AFG3L2: variants seen among roughly 807,000 people sequenced by gnomAD.
AFG3L2 encodes mitochondrial inner membrane m-AAA protease component AFG3L2.
Under a neutral mutation model 94.5 loss-of-function variants are expected in AFG3L2, and 54 were observed. The observed-to-expected ratio is 0.57, with a 90% CI of 0.46 to 0.72. The LOEUF (loss-of-function observed/expected upper bound fraction) is 0.72, where lower values mean the gene tolerates loss of function less well. Among genes scored for constraint, AFG3L2 ranks in the 30% least tolerant of loss-of-function variants. AFG3L2 has a pLI of 0.00. For synonymous variants in AFG3L2, 377 were observed against 365.5 expected, an observed-to-expected ratio of 1.03 and a Z score of -0.36; for missense variants, 754 against 994.9, an observed-to-expected ratio of 0.76 and a Z score of 3.26.
chr18:12,369,987 G>A (rs1168146602), intron 3 of AFG3L2, among the ~76,000 whole-genome samples: 2 of 148,254 alleles, frequency 1.3e-5, no homozygotes, highest in South Asian at 4.3e-4. Flanking sequence ...CCCAAGAGGC[G>A]GAGCTTGCAG....
intron 13 of AFG3L2, among the ~76,000 whole-genome samples, chr18:12,344,692 ATTAAG>A (rs148087705): frequency 0.025 from 3,751 of 151,472 alleles, 125 homozygotes; most frequent in African/African-American, 0.086. Context: ...AAAAAATTAA[ATTAAG>A]TTAAAAATTT....
At chr18:12,371,077 C>T (rs1001160118) in intron 2 of AFG3L2, 151 bp from the exon 3 acceptor site, 3 of 535,874 alleles carry the variant, frequency 5.6e-6, no homozygotes, top group Non-Finnish European at 1.0e-5. Context: ...CTTTGGGAGG[C>T]TGAGGTGGGC....
At chr18:12,345,153 T>C (rs1297000547) in intron 13 of AFG3L2, among the ~76,000 whole-genome samples, 2 of 152,184 alleles carry the variant, frequency 1.3e-5, no homozygotes, top group African/African-American at 4.8e-5. Context: ...GCCGGCCCTA[T>C]GGCTCAGAGC....
chr18:12,357,803 TG>T (rs1279765464), intron 8 of AFG3L2, among the ~76,000 whole-genome samples: 1 of 152,144 alleles, frequency 6.6e-6, no homozygotes, highest in African/African-American at 2.4e-5. Flanking sequence ...TTCACCATGT[TG>T]GCCAGGCTGG....
intron 9 of AFG3L2, among the ~76,000 whole-genome samples, chr18:12,356,156 T>TC (rs1189713255): frequency 1.3e-5 from 2 of 150,940 alleles, no homozygotes; most frequent in Non-Finnish European, 3.0e-5. Flanking sequence ...AAGCAAAATT[T>TC]TTTTTTTTTT....
intron 10 of AFG3L2, 26 bp downstream of exon 10, chr18:12,352,979 A>C: frequency 6.2e-7 from 1 of 1,612,698 alleles, no homozygotes. Flanking sequence ...AGTGCAGTTA[A>C]AGATACAAAA....
chr18:12,373,966 G>A (rs1293979430), intron 1 of AFG3L2, among the ~76,000 whole-genome samples: 1 of 152,120 alleles, frequency 6.6e-6, no homozygotes, highest in Non-Finnish European at 1.5e-5. Flanking sequence ...ATGAGTTTTG[G>A]TGAGGCCAAA....
intron 15 of AFG3L2, among the ~76,000 whole-genome samples, chr18:12,338,471 C>T (rs11080571): frequency 0.67 from 101,996 of 151,886 alleles, 35,809 homozygotes; most frequent in Non-Finnish European, 0.78. Context: ...GCCCCCAAAA[C>T]TAACCAGCAC....
chr18:12,362,591 G>A (rs1160706223), intron 6 of AFG3L2, among the ~76,000 whole-genome samples: 1 of 152,142 alleles, frequency 6.6e-6, no homozygotes, highest in East Asian at 1.9e-4. Context: ...ACACATAAAT[G>A]CTTGTGCATG....
chr18:12,355,622 C>T (rs1412383769), intron 9 of AFG3L2, among the ~76,000 whole-genome samples: 1 of 151,806 alleles, frequency 6.6e-6, no homozygotes, highest in African/African-American at 2.4e-5. Context: ...CATGGAATGT[C>T]TGTACTAGGA....
chr18:12,376,720 C>G (rs531582586), intron 1 of AFG3L2, among the ~76,000 whole-genome samples: 2 of 152,362 alleles, frequency 1.3e-5, no homozygotes, highest in South Asian at 4.1e-4. Flanking sequence ...TCAACCGCCC[C>G]GGTGAAGCGC....
intron 1 of AFG3L2, among the ~76,000 whole-genome samples, chr18:12,374,531 G>A (rs570876277): frequency 1.7e-4 from 26 of 152,296 alleles, no homozygotes; most frequent in African/African-American, 6.3e-4. Flanking sequence ...AATCTTCAGA[G>A]AGTACCAAAG....
Position 12,377,170 on chromosome 18 carries a change from G to C in AFG3L2, c.-88C>G, listed in dbSNP as rs923776140. On this transcript the variant is annotated 5_prime_UTR_variant, in exon 1 of 17. Coordinates refer to ENST00000269143, the MANE Select transcript of AFG3L2 (RefSeq NM_006796.3). Reference sequence around the variant, plus strand: ...GGCCTCGGGAAGCGGGCTCGGCTCGGGGAAAGGCCGCCAGGCAGCGAAGCG... The same window carrying C: ...GGCCTCGGGAAGCGGGCTCGGCTCGCGGAAAGGCCGCCAGGCAGCGAAGCG... The C allele has an allele frequency of 1.9e-6, 2 of 1,048,408 alleles. No individual in the cohort carries two copies. Among genetic ancestry groups the C allele is most frequent in the African/African-American group, 1.7e-5 (1 of 59,406 alleles). The allele number at this position is 1,048,408 out of a possible 1,614,324, so 64.9% of individuals were successfully genotyped here. A position where few individuals can be genotyped will look rare whatever the true frequency, so the allele number is the denominator to read the frequency against.
intron 16 of AFG3L2, among the ~76,000 whole-genome samples, chr18:12,331,926 T>C (rs1907545872): frequency 7.6e-6 from 1 of 131,278 alleles, no homozygotes; most frequent in African/African-American, 2.7e-5. Flanking sequence ...ACTTTGAAGT[T>C]CTATTCATTT....
intron 9 of AFG3L2, among the ~76,000 whole-genome samples, chr18:12,353,935 C>T (rs1263361075): frequency 6.6e-6 from 1 of 152,162 alleles, no homozygotes; most frequent in Non-Finnish European, 1.5e-5. Context: ...CAAAGACCAT[C>T]CAAGCCCATC....
At chr18:12,329,949 A>G (rs1362483693) in intron 16 of AFG3L2, 166 bp from the exon 17 acceptor site, 2 of 647,168 alleles carry the variant, frequency 3.1e-6, no homozygotes, top group Admixed American at 5.3e-5. Flanking sequence ...TGTGCAAAAT[A>G]TCAAAGCAAC....
chr18:12,336,847 A>G (rs1406974053), intron 16 of AFG3L2, among the ~76,000 whole-genome samples: 1 of 152,244 alleles, frequency 6.6e-6, no homozygotes, highest in Non-Finnish European at 1.5e-5. Flanking sequence ...AATGAGGTAC[A>G]ACAACGACAA....
At chr18:12,348,523 T>A (rs1355889881) in intron 12 of AFG3L2, 140 bp from the exon 13 acceptor site, 1 of 727,606 alleles carries the variant, frequency 1.4e-6, no homozygotes, top group Non-Finnish European at 2.4e-6. Context: ...ATAATTCTGT[T>A]TTGACTCATG....
At chr18:12,361,605 C>A (rs1038319064) in intron 6 of AFG3L2, among the ~76,000 whole-genome samples, 1 of 152,164 alleles carries the variant, frequency 6.6e-6, no homozygotes, top group Non-Finnish European at 1.5e-5. Flanking sequence ...CAAGATCGCG[C>A]CACTGCACTC....
Sources: gnomAD v4.1 joint callset for allele counts (sites outside exome capture counted in the v4.1 genomes callset) on GRCh38, gnomAD v4.1.1 for gene constraint, MANE v1.5 for transcripts, NCBI Gene and HGNC (gene_info 2026-07-23, HGNC 2026-07-21) for gene names.